WWOX: variants seen among roughly 807,000 people sequenced by gnomAD.
The protein encoded by WWOX is WW domain-containing oxidoreductase.
In WWOX, 69 loss-of-function variants were observed where a neutral mutation model predicts 46.2. The ratio of observed to expected loss-of-function variants is 1.49; its 90% CI spans 1.23 to 1.82. The LOEUF is 1.82. WWOX is among the 40% of genes most tolerant of loss of function. WWOX has a pLI of 0.00. For missense variants in WWOX, 919 were observed against 542.6 expected (o/e 1.69, Z -6.89); for synonymous variants, 359 against 202.6 (o/e 1.77, Z -6.56).
chr16:78,981,516 C>G (rs1354468546), intron 8 of WWOX, among the ~76,000 whole-genome samples: 1 of 151,792 alleles, frequency 6.6e-6, no homozygotes, highest in African/African-American at 2.4e-5. Flanking sequence ...GGGCTCACTG[C>G]AACCTCCACT....
chr16:78,309,350 C>T (rs1253410080), intron 5 of WWOX, among the ~76,000 whole-genome samples: 1 of 152,158 alleles, frequency 6.6e-6, no homozygotes, highest in Non-Finnish European at 1.5e-5. Flanking sequence ...TTTCTTGAGG[C>T]CTCCCCAGCC....
intron 8 of WWOX, among the ~76,000 whole-genome samples, chr16:79,033,078 T>C (rs1002650681): frequency 2.7e-5 from 4 of 150,648 alleles, no homozygotes; most frequent in African/African-American, 4.9e-5. Flanking sequence ...GCTCCATCCA[T>C]GTTCCTGCAA....
chr16:78,357,179 G>T (rs11150063), intron 5 of WWOX, among the ~76,000 whole-genome samples: 2 of 151,992 alleles, frequency 1.3e-5, no homozygotes, highest in Non-Finnish European at 2.9e-5. Flanking sequence ...TGATGTTTGA[G>T]AGTACTCCTT....
intron 8 of WWOX, among the ~76,000 whole-genome samples, chr16:78,979,667 G>A (rs2046643060): frequency 6.6e-6 from 1 of 152,144 alleles, no homozygotes; most frequent in African/African-American, 2.4e-5. Context: ...ACAATGATCA[G>A]TACCCATCTC....
At chr16:78,471,258 G>C (rs1223787341) in intron 8 of WWOX, among the ~76,000 whole-genome samples, 1 of 152,196 alleles carries the variant, frequency 6.6e-6, no homozygotes, top group Non-Finnish European at 1.5e-5. Flanking sequence ...CAATTCTTGA[G>C]CTGCTAATAA....
intron 8 of WWOX, among the ~76,000 whole-genome samples, chr16:79,149,933 A>G (rs2050246412): frequency 6.6e-6 from 1 of 152,226 alleles, no homozygotes; most frequent in Non-Finnish European, 1.5e-5. Flanking sequence ...ACATCACTGA[A>G]AAAGGGACTC....
chr16:78,223,316 G>A (rs1381994697), intron 5 of WWOX, among the ~76,000 whole-genome samples: 3 of 152,114 alleles, frequency 2.0e-5, no homozygotes, highest in Non-Finnish European at 4.4e-5. Context: ...ATGCACAGGC[G>A]CATCCTACAA....
chr16:79,061,788 A>G (rs986988537), intron 8 of WWOX, among the ~76,000 whole-genome samples: 3 of 152,234 alleles, frequency 2.0e-5, no homozygotes, highest in Non-Finnish European at 4.4e-5. Context: ...ATCATAGCTA[A>G]TATGCCTCTA....
intron 8 of WWOX, among the ~76,000 whole-genome samples, chr16:79,199,103 C>T (rs944663421): frequency 2.6e-5 from 4 of 152,152 alleles, no homozygotes; most frequent in Non-Finnish European, 5.9e-5. Flanking sequence ...CATTCTGTCA[C>T]CCAAGCTGGA....
chr16:79,009,267 T>G (rs1009772063), intron 8 of WWOX, among the ~76,000 whole-genome samples: 1 of 152,206 alleles, frequency 6.6e-6, no homozygotes, highest in Non-Finnish European at 1.5e-5. Context: ...GCCTTAAAGT[T>G]TCTCCTGCTC....
intron 4 of WWOX, among the ~76,000 whole-genome samples, chr16:78,141,710 A>T (rs2033994244): frequency 6.6e-6 from 1 of 152,188 alleles, no homozygotes; most frequent in African/African-American, 2.4e-5. Context: ...AGGATTAGGA[A>T]TAAAAATATG....
rs995486097 is a variant in WWOX, at chr16:78,108,317, CCTT to C, written c.108-102_108-100del. 4 of 1,155,462 alleles carry C rather than the reference CCTT, an allele frequency of 3.5e-6. No homozygotes were observed. In the African/African-American group the frequency reaches 6.3e-5, roughly 18 times the overall value. The allele number at this position is 1,155,462 out of a possible 1,614,324, so 71.6% of individuals were successfully genotyped here. Reference sequence around the variant, plus strand: ...CTCTTTCTCCTTCTTCCCCCTACTTCCTTCTTATATCTGGCTATCTGGGAGAGA... The same window carrying C: ...CTCTTTCTCCTTCTTCCCCCTACTTCCTTATATCTGGCTATCTGGGAGAGA... On this transcript the variant is annotated intron_variant, in intron 1 of 8. Transcript: ENST00000566780.
chr16:78,996,385 C>CCT (rs2046990389), intron 8 of WWOX: 1 of 766,892 alleles, frequency 1.3e-6, no homozygotes, highest in Non-Finnish European at 1.5e-6. Flanking sequence ...CACCCCCGCC[C>CCT]CCCAGCTTCC....
At chr16:78,256,566 C>G (rs975414740) in intron 5 of WWOX, among the ~76,000 whole-genome samples, 14 of 151,726 alleles carry the variant, frequency 9.2e-5, no homozygotes, top group Non-Finnish European at 2.9e-5. Flanking sequence ...CCTCAATTAA[C>G]TGAGGCCAGG....
At chr16:79,066,143 A>G (rs1395062843) in intron 8 of WWOX, among the ~76,000 whole-genome samples, 1 of 151,808 alleles carries the variant, frequency 6.6e-6, no homozygotes, top group African/African-American at 2.4e-5. Context: ...CTTTTCATCT[A>G]CTAATCTTTG....
chr16:79,179,754 C>A (rs1597450840), intron 8 of WWOX, among the ~76,000 whole-genome samples: 1 of 152,170 alleles, frequency 6.6e-6, no homozygotes, highest in Admixed American at 6.5e-5. Context: ...TGGGAAAGGA[C>A]TGAAAGATCT....
chr16:79,111,957 A>C (rs997972138), intron 8 of WWOX, among the ~76,000 whole-genome samples: 3 of 152,052 alleles, frequency 2.0e-5, no homozygotes, highest in Non-Finnish European at 2.9e-5. Flanking sequence ...CTTGATGATG[A>C]GTTGTCTCAT....
intron 4 of WWOX, chr16:78,145,893 G>C (rs1387369660): frequency 6.6e-6 from 1 of 152,162 alleles, no homozygotes; most frequent in Non-Finnish European, 1.5e-5. Flanking sequence ...TTCAGTGTAT[G>C]AGTTTGGGAT....
At chr16:79,002,707 C>T (rs112946424) in intron 8 of WWOX, among the ~76,000 whole-genome samples, 3 of 152,264 alleles carry the variant, frequency 2.0e-5, no homozygotes, top group African/African-American at 7.2e-5. Context: ...TGTGCCTATT[C>T]CCATTTCACA....
Sources: allele counts gnomAD v4.1 joint callset (sites outside exome capture counted in the v4.1 genomes callset), GRCh38; gene constraint gnomAD v4.1.1; transcripts MANE v1.5; gene names NCBI Gene and HGNC (gene_info 2026-07-23, HGNC 2026-07-21).